Variants in ERI3 observed in about 807,000 individuals in gnomAD.
ERI3 encodes the protein ERI1 exoribonuclease family member 3, also known as ERI1 exoribonuclease 3.
Under a neutral mutation model 44.4 loss-of-function variants are expected in ERI3, and 18 were observed. The observed-to-expected ratio is 0.41, with a 90% CI of 0.28 to 0.60. ERI3 has a LOEUF of 0.60. Ranked by LOEUF, ERI3 falls within the 20% of genes least tolerant of loss-of-function variation. The probability of loss-of-function intolerance (pLI) is 0.36; values close to 1 mark genes in which losing one functional copy is unlikely to be tolerated. For missense variants in ERI3, 294 were observed against 435.5 expected, an observed-to-expected ratio of 0.68 and a Z score of 2.89; for synonymous variants, 183 against 164.8, an observed-to-expected ratio of 1.11 and a Z score of -0.84.
chr1:44,291,972 C>T lies in ERI3; in HGVS notation c.759-7065G>A, dbSNP rs367729328. ...CACTAAGATAACTTGGTCAAATGAC[C>T]ATGTGTCCTGGGGTAAGTGACTTCA... On this transcript the variant is annotated intron_variant, in intron 6 of 8. Transcript: ENST00000372257. 4.1e-4 allele frequency among the ~76,000 whole-genome samples: 62 copies of T among 152,274 alleles called. 1 individual carries two copies. In the East Asian group the frequency reaches 7.0e-3, roughly 17 times the overall value.
chr1:44,354,817 T>A (rs947999586), intron 1 of ERI3, 75 bp downstream of exon 1: 1 of 1,306,642 alleles, frequency 7.7e-7, no homozygotes, highest in Admixed American at 3.1e-5. Context: ...TTGCATAAAT[T>A]CTGCGCACCG....
intron 3 of ERI3, among the ~76,000 whole-genome samples, chr1:44,322,310 A>G (rs1646219464): frequency 6.6e-6 from 1 of 150,794 alleles, no homozygotes; most frequent in Non-Finnish European, 1.5e-5. Flanking sequence ...CCATAGGGAA[A>G]TGGGGCCAAC....
intron 3 of ERI3, among the ~76,000 whole-genome samples, chr1:44,335,484 G>A (rs1468707074): frequency 3.9e-5 from 6 of 152,174 alleles, no homozygotes; most frequent in African/African-American, 1.2e-4. Flanking sequence ...ATCAGGCCGG[G>A]GGCAGTGGCT....
intron 7 of ERI3, among the ~76,000 whole-genome samples, chr1:44,268,812 C>T (rs757016807): frequency 7.9e-5 from 12 of 152,176 alleles, no homozygotes; most frequent in African/African-American, 7.2e-5. Flanking sequence ...TGCTCCCTGC[C>T]GTTAGGGTAC....
intron 7 of ERI3, among the ~76,000 whole-genome samples, chr1:44,272,885 C>A (rs1572162790): frequency 7.6e-6 from 1 of 130,772 alleles, no homozygotes; most frequent in Middle Eastern, 3.8e-3. Context: ...ATAAAATAAA[C>A]TACAAATCCA....
At chr1:44,292,841 T>C (rs1040831755) in intron 6 of ERI3, among the ~76,000 whole-genome samples, 8 of 152,252 alleles carry the variant, frequency 5.3e-5, no homozygotes, top group African/African-American at 1.9e-4. Flanking sequence ...GAGAGAGTAC[T>C]GTTTGAAATA....
Position 44,265,304 on chromosome 1 carries a change from G to A in ERI3, c.832-17266C>T, listed in dbSNP as rs572542703. Among the ~76,000 whole-genome samples the A allele has an allele frequency of 8.5e-5, 13 of 152,320 alleles. No homozygotes were observed. In the East Asian group the frequency reaches 1.5e-3, roughly 18 times the overall value. Reference sequence around the variant, plus strand: ...CACTGATGAATGAACTTACACTCCCGCACAGGTGGCAGATATGCCTATACA... The same window carrying A: ...CACTGATGAATGAACTTACACTCCCACACAGGTGGCAGATATGCCTATACA... On this transcript the variant is annotated intron_variant, in intron 7 of 8. Transcript: ENST00000372257.
intron 7 of ERI3, among the ~76,000 whole-genome samples, chr1:44,280,074 A>C (rs944258210): frequency 7.2e-5 from 11 of 152,200 alleles, no homozygotes; most frequent in African/African-American, 2.7e-4. Flanking sequence ...CTGATTTCAG[A>C]TGATCTTCTT....
intron 6 of ERI3, among the ~76,000 whole-genome samples, chr1:44,289,887 C>T (rs1645469565): frequency 2.0e-5 from 3 of 152,240 alleles, no homozygotes. Context: ...GCTGCACATC[C>T]ATTGAGGTCT....
chr1:44,339,766 G>C (rs1290859164), intron 2 of ERI3, among the ~76,000 whole-genome samples: 1 of 152,206 alleles, frequency 6.6e-6, no homozygotes, highest in African/African-American at 2.4e-5. Context: ...ACAAGCAGCA[G>C]AAAATGTCCA....
At chr1:44,306,544 G>C (rs964740813) in intron 6 of ERI3, among the ~76,000 whole-genome samples, 26 of 152,136 alleles carry the variant, frequency 1.7e-4, no homozygotes, top group Admixed American at 9.2e-4. Context: ...ACCAACACCT[G>C]TCCAGGGCCC....
chr1:44,339,034 G>A lies in ERI3; in HGVS notation c.489+11C>T. The A allele has an allele frequency of 1.2e-6, 2 of 1,607,642 alleles. No homozygotes were observed. Among genetic ancestry groups the A allele is most frequent in the Non-Finnish European group, 1.7e-6 (2 of 1,175,030 alleles). ...CCCCCACCTTTTCTAAAGCAATGATGGAACAGTTACCTGAGGATGAATCTG... is the reference window on the plus strand; with the variant it reads ...CCCCCACCTTTTCTAAAGCAATGATAGAACAGTTACCTGAGGATGAATCTG... On this transcript the variant is annotated intron_variant, in intron 3 of 8. Transcript: ENST00000372257.
chr1:44,335,933 C>T (rs905743207), intron 3 of ERI3, among the ~76,000 whole-genome samples: 2 of 152,178 alleles, frequency 1.3e-5, no homozygotes, highest in Admixed American at 6.5e-5. Flanking sequence ...CAAATCTCAA[C>T]CTTTCCTGCT....
chr1:44,317,719 A>T (rs1046087077), intron 4 of ERI3, among the ~76,000 whole-genome samples: 6 of 152,036 alleles, frequency 3.9e-5, no homozygotes, highest in Non-Finnish European at 7.4e-5. Flanking sequence ...GATCAGGGAA[A>T]GTGACCCTAA....
chr1:44,277,856 A>G (rs1304363952), intron 7 of ERI3, among the ~76,000 whole-genome samples: 1 of 152,220 alleles, frequency 6.6e-6, no homozygotes, highest in Non-Finnish European at 1.5e-5. Context: ...AATGTGAAAA[A>G]TAATAGCAAC....
intron 2 of ERI3, among the ~76,000 whole-genome samples, chr1:44,341,777 C>A (rs1454320623): frequency 4.6e-5 from 7 of 152,104 alleles, no homozygotes; most frequent in Admixed American, 3.9e-4. Flanking sequence ...GTAGTCCCAG[C>A]TACTTGGTAG....
chr1:44,354,657 T>C, intron 1 of ERI3: 1 of 985,334 alleles, frequency 1.0e-6, no homozygotes, highest in Non-Finnish European at 1.2e-6. Context: ...AGTCAAACCT[T>C]TTTCTTCTCT....
At chr1:44,323,626 A>C (rs191024751) in intron 3 of ERI3, among the ~76,000 whole-genome samples, 3 of 152,336 alleles carry the variant, frequency 2.0e-5, no homozygotes, top group Admixed American at 2.0e-4. Context: ...GCTCTCCAAG[A>C]CATGTGGAAA....
At position 44,339,062 on chromosome 1, in the gene ERI3, G is replaced by A; in HGVS notation, c.472C>T (p.Pro158Ser). Residue 158 changes from proline to serine, a missense_variant, in exon 3 of 9, where the codon CCA becomes TCA. This residue lies in a region of ERI3 where 187 missense variants were observed against 338.6 expected (regional missense o/e 0.55). Transcript: ENST00000372257. ...ACAGTTACCTGAGGATGAATCTGTG[G>A]CTTGTCGCACGTGGCCTCAAAGTCC... ...VLDFEATCDK[P>S]QIHPQEIIEF... is the part of the protein sequence containing the mutation. 1 of 1,613,612 alleles carries A rather than the reference G, an allele frequency of 6.2e-7. No homozygotes were observed. The highest frequency in any genetic ancestry group is 8.5e-7 in the Non-Finnish European group (1 of 1,179,734).
Sources: gnomAD v4.1 joint callset for allele counts (sites outside exome capture counted in the v4.1 genomes callset) on GRCh38, gnomAD v4.1.1 for gene constraint, gnomAD v4.1.1 regional missense constraint, MANE v1.5 for transcripts, NCBI Gene and HGNC (gene_info 2026-07-23, HGNC 2026-07-21) for gene names.